CRTC1: variants seen among roughly 807,000 people sequenced by gnomAD.
CRTC1 encodes CREB regulated transcription coactivator 1, also known as CREB-regulated transcription coactivator 1.
Under a neutral mutation model 66.1 loss-of-function variants are expected in CRTC1, and 18 were observed. The observed-to-expected ratio is 0.27, with a 90% CI of 0.19 to 0.40. The LOEUF (loss-of-function observed/expected upper bound fraction) is 0.40. Among genes scored for constraint, CRTC1 ranks in the 10% least tolerant of loss-of-function variants. CRTC1 has a pLI of 1.00. For synonymous variants in CRTC1, 416 were observed against 398.8 expected, an observed-to-expected ratio of 1.04 and a Z score of -0.51; for missense variants, 669 against 887.9, an observed-to-expected ratio of 0.75 and a Z score of 3.13.
At chr19:18,745,769 T>C in intron 2 of CRTC1, 54 bp from the exon 3 acceptor site, 1 of 1,609,584 alleles carries the variant, frequency 6.2e-7, no homozygotes, top group Non-Finnish European at 8.5e-7. Flanking sequence ...GGGCCACAGC[T>C]GGTAACCATT....
chr19:18,732,958 G>A (rs868560729), intron 1 of CRTC1, among the ~76,000 whole-genome samples: 2 of 151,762 alleles, frequency 1.3e-5, no homozygotes, highest in Admixed American at 1.3e-4. Flanking sequence ...GTGGTGGCGG[G>A]CACCTATAGT....
intron 1 of CRTC1, among the ~76,000 whole-genome samples, chr19:18,733,464 C>T (rs2053933225): frequency 6.6e-6 from 1 of 152,236 alleles, no homozygotes; most frequent in African/African-American, 2.4e-5. Flanking sequence ...AAAAGGCATT[C>T]CGAGGCAGGC....
At chr19:18,728,916 G>C (rs112316135) in intron 1 of CRTC1, among the ~76,000 whole-genome samples, 37,551 of 147,488 alleles carry the variant, frequency 0.25, 5,079 homozygotes, top group Middle Eastern at 0.31. Context: ...GAGTTCAAGT[G>C]ATTCTCCTGC....
In CRTC1 at chr19:18,779,081, T is replaced by G. The variant is rs545189350; in HGVS notation, c.*1699T>G. 3 of 232,502 alleles carry G rather than the reference T, an allele frequency of 1.3e-5. No homozygotes were observed. Among genetic ancestry groups the G allele is most frequent in the Non-Finnish European group, 2.5e-5 (3 of 117,664 alleles). The allele number at this position is 232,502 out of a possible 1,614,324, so 14.4% of individuals were successfully genotyped here. On this transcript the variant is annotated 3_prime_UTR_variant, in exon 14 of 14. Transcript: ENST00000321949. ...GGCTGGCTTTGTTTTCTGCTGTTCT[T>G]GGAATAGGAACTGCTGTTCTGATCC...
rs1329531288 is a variant in CRTC1 at position 18,777,730 on chromosome 19, G to A, written c.*348G>A. Reference sequence around the variant, plus strand: ...GAAGTGTCAGCTCCCGGCGTGGCGGGCAGGCTCAGGGGAGGGGCGCGCATG... The same window carrying A: ...GAAGTGTCAGCTCCCGGCGTGGCGGACAGGCTCAGGGGAGGGGCGCGCATG... On this transcript the variant is annotated 3_prime_UTR_variant, in exon 14 of 14. Coordinates refer to ENST00000321949, the MANE Select transcript of CRTC1 (RefSeq NM_015321.3). The surrounding 1 kb of genome is among the most constrained non-coding windows in gnomAD (Gnocchi z 5.5). The A allele has an allele frequency of 1.7e-5, 6 of 362,350 alleles. No individual in the cohort carries two copies. Among genetic ancestry groups the A allele is most frequent in the Non-Finnish European group, 2.5e-5 (5 of 196,944 alleles). 22.4% of individuals were successfully genotyped at this position (362,350 alleles called of 1,614,324 possible). A position where few individuals can be genotyped will look rare whatever the true frequency, so the allele number is the denominator to read the frequency against.
At position 18,780,918 on chromosome 19, in the gene CRTC1, A is replaced by G. The variant is rs2095357384; in HGVS notation, c.*3536A>G. The stretch of plus-strand genomic sequence containing the variant: ...TGGGCCTTGAGCTGGTTTTTAACCA[A>G]ACATCCTTCCAAACTCGGGCTGCGA... On this transcript the variant is annotated 3_prime_UTR_variant, in exon 14 of 14. Coordinates refer to ENST00000321949, the MANE Select transcript of CRTC1 (RefSeq NM_015321.3). The G allele has an allele frequency of 4.5e-6, 1 of 222,038 alleles. No individual in the cohort carries two copies. The highest frequency in any genetic ancestry group is 5.7e-5 in the Admixed American group (1 of 17,412). 13.8% of individuals were successfully genotyped at this position (222,038 alleles called of 1,614,324 possible). A position where few individuals can be genotyped will look rare whatever the true frequency, so the allele number is the denominator to read the frequency against.
At chr19:18,720,003 C>G (rs1408045215) in intron 1 of CRTC1, among the ~76,000 whole-genome samples, 1 of 152,224 alleles carries the variant, frequency 6.6e-6, no homozygotes, top group Non-Finnish European at 1.5e-5. Context: ...AGCATCCCCG[C>G]CAGTGGTTTG....
rs116696926 is a variant in CRTC1, at chr19:18,714,293, G to A, written c.127-28617G>A. The stretch of plus-strand genomic sequence containing the variant: ...GCGCACTCCATCCACCTGCTATTCG[G>A]TTTGCAACAAAACTAACACTCTTTT... On this transcript the variant is annotated intron_variant, in intron 1 of 13. Transcript: ENST00000321949. Among the ~76,000 whole-genome samples, 451 of 152,210 alleles carry A rather than the reference G, an allele frequency of 3.0e-3. 5 individuals carry two copies. The highest frequency in any genetic ancestry group is 0.011 in the African/African-American group (438 of 41,540).
In CRTC1 at chr19:18,768,744, C is replaced by G. The variant is rs756177928; in HGVS notation, c.1271C>G (p.Ser424Cys). Residue 424 changes from serine to cysteine, a missense_variant, in exon 10 of 14, where the codon TCC (serine) becomes TGC (cysteine). Around this residue, in one of 8 missense-constraint regions of CRTC1, gnomAD observed 241 missense variants for 242.2 expected, o/e 0.99. Coordinates refer to ENST00000321949, the MANE Select transcript of CRTC1 (RefSeq NM_015321.3). This position sits in a 1 kb window ranked among gnomAD's most constrained non-coding sequence, Gnocchi z 5.6. ...ACGGTACCGTCCTCTCTCCCCCAGTCCCCCCCAGAGAACCCTGGCCAGCCA... is the reference window on the plus strand; with the variant it reads ...ACGGTACCGTCCTCTCTCCCCCAGTGCCCCCCAGAGAACCCTGGCCAGCCA... ...AVTVPSSLPQ[S>C]PPENPGQPSM... 4.4e-6 allele frequency: 7 copies of G among 1,599,024 alleles called. No homozygotes were observed. The highest frequency in any genetic ancestry group is 6.0e-6 in the Non-Finnish European group (7 of 1,173,434).
chr19:18,749,638 G>A (rs1212539203), intron 4 of CRTC1, 143 bp from the exon 5 acceptor site: 27 of 673,382 alleles, frequency 4.0e-5, no homozygotes, highest in African/African-American at 3.6e-5. Flanking sequence ...ATGAGGTCCC[G>A]AGAGCTTTGC....
At chr19:18,689,263 G>A (rs2052763792) in intron 1 of CRTC1, among the ~76,000 whole-genome samples, 1 of 151,416 alleles carries the variant, frequency 6.6e-6, no homozygotes, top group Admixed American at 6.6e-5. Flanking sequence ...TGTGGTTTCT[G>A]TCTCTATGGA....
chr19:18,730,127 C>T (rs950923254), intron 1 of CRTC1, among the ~76,000 whole-genome samples: 1 of 152,126 alleles, frequency 6.6e-6, no homozygotes, highest in Non-Finnish European at 1.5e-5. Flanking sequence ...TGATGGCTTA[C>T]CCTGGGAAGG....
At chr19:18,686,264 A>T (rs549341323) in intron 1 of CRTC1, among the ~76,000 whole-genome samples, 2 of 152,198 alleles carry the variant, frequency 1.3e-5, no homozygotes, top group African/African-American at 4.8e-5. Flanking sequence ...AGTATCATGG[A>T]TCAGTGCTTC....
intron 8 of CRTC1, among the ~76,000 whole-genome samples, chr19:18,764,508 T>G (rs2054685840): frequency 6.6e-6 from 1 of 152,202 alleles, no homozygotes; most frequent in Non-Finnish European, 1.5e-5. Context: ...CATGTTGAAC[T>G]TGACCTCACC....
At chr19:18,700,288 A>G (rs948799478) in intron 1 of CRTC1, among the ~76,000 whole-genome samples, 3 of 152,036 alleles carry the variant, frequency 2.0e-5, no homozygotes, top group Admixed American at 6.6e-5. Flanking sequence ...GCCTTCTCCC[A>G]CTGCGGGTGC....
At chr19:18,767,603 C>T (rs944551940) in intron 9 of CRTC1, among the ~76,000 whole-genome samples, 2 of 152,170 alleles carry the variant, frequency 1.3e-5, no homozygotes, top group African/African-American at 2.4e-5. Context: ...CATTTCTCCC[C>T]GCCCCTCGGC....
At chr19:18,703,822 T>C (rs754063989) in intron 1 of CRTC1, among the ~76,000 whole-genome samples, 2 of 152,208 alleles carry the variant, frequency 1.3e-5, no homozygotes, top group Non-Finnish European at 2.9e-5. Context: ...GGTCTCGAAC[T>C]CCTGACCCCA....
chr19:18,770,454 G>A (rs1421626755), intron 10 of CRTC1, among the ~76,000 whole-genome samples: 1 of 152,276 alleles, frequency 6.6e-6, no homozygotes, highest in East Asian at 1.9e-4. Flanking sequence ...AGGTGGGCCA[G>A]ACCTGCTGGG....
chr19:18,724,543 G>C (rs781252941), intron 1 of CRTC1, among the ~76,000 whole-genome samples: 9 of 151,768 alleles, frequency 5.9e-5, no homozygotes, highest in Admixed American at 1.3e-4. Context: ...CTAAAATCCA[G>C]GTGTCGGCAG....
Sources: gnomAD v4.1 joint callset for allele counts (sites outside exome capture counted in the v4.1 genomes callset) on GRCh38, gnomAD v4.1.1 for gene constraint, gnomAD v4.1.1 regional missense constraint, Gnocchi (gnomAD v3.1) non-coding constraint, MANE v1.5 for transcripts, NCBI Gene and HGNC (gene_info 2026-07-23, HGNC 2026-07-21) for gene names.